The following RSPH1 variants were observed in gnomAD, a reference collection of about 807,000 sequenced individuals.
RSPH1 encodes radial spoke head component 1.
A neutral mutation model predicts 44.2 loss-of-function variants in RSPH1; 32 were observed. The observed-to-expected ratio is 0.72, with a 90% CI of 0.55 to 0.97. RSPH1 has a LOEUF of 0.97. Ranked by LOEUF, RSPH1 falls within the 50% of genes least tolerant of loss-of-function variation. The pLI, the probability that RSPH1 is intolerant of heterozygous loss-of-function variation, is 0.00. For synonymous variants in RSPH1, 134 were observed against 147.3 expected, an observed-to-expected ratio of 0.91 and a Z score of 0.65; for missense variants, 391 against 398.7, an observed-to-expected ratio of 0.98 and a Z score of 0.16.
chr21:42,476,475 C>A (rs920846560), intron 7 of RSPH1, among the ~76,000 whole-genome samples: 1 of 152,176 alleles, frequency 6.6e-6, no homozygotes, highest in African/African-American at 2.4e-5. Context: ...TATTCTTTCA[C>A]GGAGGCCAAT....
intron 1 of RSPH1, among the ~76,000 whole-genome samples, chr21:42,495,128 C>T (rs2054274732): frequency 6.6e-6 from 1 of 152,226 alleles, no homozygotes; most frequent in Non-Finnish European, 1.5e-5. Context: ...CCAACAGGGA[C>T]TCTGGGGGCA....
At chr21:42,480,956 C>G (rs1020062214) in intron 6 of RSPH1, among the ~76,000 whole-genome samples, 3 of 152,216 alleles carry the variant, frequency 2.0e-5, no homozygotes, top group African/African-American at 4.8e-5. Context: ...CTGGGTGATG[C>G]CAAGGGCTTG....
chr21:42,476,619 C>T (rs1377811403), intron 7 of RSPH1, among the ~76,000 whole-genome samples: 1 of 152,066 alleles, frequency 6.6e-6, no homozygotes, highest in Non-Finnish European at 1.5e-5. Flanking sequence ...GACCCTTCTT[C>T]AGGGAAGGGC....
At chr21:42,473,157 G>A (rs1244793385) in intron 8 of RSPH1, among the ~76,000 whole-genome samples, 3 of 152,194 alleles carry the variant, frequency 2.0e-5, no homozygotes, top group African/African-American at 7.2e-5. Context: ...AAAACAGCCA[G>A]CTTTGTGGCT....
At chr21:42,475,070 C>T (rs1387911686) in intron 8 of RSPH1, among the ~76,000 whole-genome samples, 3 of 152,128 alleles carry the variant, frequency 2.0e-5, no homozygotes, top group African/African-American at 7.2e-5. Flanking sequence ...TTAAGGGAAG[C>T]GAGTCCTCTC....
chr21:42,491,205 C>G (rs73227540), intron 3 of RSPH1, among the ~76,000 whole-genome samples: 41,476 of 151,998 alleles, frequency 0.27, 6,013 homozygotes, highest in African/African-American at 0.36. Flanking sequence ...GGGTACCCTC[C>G]GGATCCACAA....
At chr21:42,472,982 A>C (rs1275095492) in intron 8 of RSPH1, 112 bp from the exon 9 acceptor site, 1 of 692,830 alleles carries the variant, frequency 1.4e-6, no homozygotes, top group African/African-American at 1.8e-5. Context: ...ACTATTAAGC[A>C]TTCATCAGTC....
chr21:42,485,847 T>C lies in RSPH1; in HGVS notation c.366-43A>G, dbSNP rs769987810. The C allele has an allele frequency of 2.5e-6, 4 of 1,611,946 alleles. No individual in the cohort carries two copies. In the South Asian group the frequency reaches 3.3e-5, roughly 13 times the overall value. On this transcript the variant is annotated intron_variant, in intron 4 of 8. Transcript: ENST00000291536. The stretch of plus-strand genomic sequence containing the variant: ...AACATGGTATTTCGTTCCAGCACAG[T>C]GAAAAATCTCCCAGGTTTAAAACAC...
Position 42,475,986 on chromosome 21 carries a change from G to T in RSPH1, c.789C>A (p.Asp263Glu). The change falls in exon 8 of 9, where the codon GAC becomes GAA. Residue 263 changes from aspartate to glutamate, a missense_variant. Physicochemically the swap from Asp to Glu is conservative, Grantham distance 45 (BLOSUM62 2). Transcript: ENST00000291536. ...ALLEGFEGEMDMRPGDEDADV... is the reference protein window; with the variant it reads ...ALLEGFEGEMEMRPGDEDADV... ...CTGCATCTTCATCTCCAGGCCTCAT[G>T]TCCATCTCACCCTCGAAGCCCTCCA... 6.2e-7 allele frequency: 1 copy of T among 1,613,086 alleles called. No homozygotes were observed. Among genetic ancestry groups the T allele is most frequent in the Non-Finnish European group, 8.5e-7 (1 of 1,179,794 alleles).
chr21:42,477,476 A>G (rs2054080227), intron 6 of RSPH1, 32 bp from the exon 7 acceptor site: 1 of 1,607,282 alleles, frequency 6.2e-7, no homozygotes, highest in Non-Finnish European at 8.5e-7. Context: ...ACATTTACCA[A>G]CATTTGTGTC....
At chr21:42,485,415 AG>A (rs2054169551) in intron 5 of RSPH1, 1 of 524,258 alleles carries the variant, frequency 1.9e-6, no homozygotes, top group Non-Finnish European at 3.4e-6. Flanking sequence ...ACAATGCAAC[AG>A]GTCCCCGCTG....
chr21:42,478,181 A>G (rs958404803), intron 6 of RSPH1, among the ~76,000 whole-genome samples: 3 of 152,272 alleles, frequency 2.0e-5, no homozygotes, highest in Non-Finnish European at 4.4e-5. Flanking sequence ...TTTTGTGACT[A>G]TCACAAAATT....
intron 3 of RSPH1, among the ~76,000 whole-genome samples, chr21:42,492,145 C>A (rs962869662): frequency 6.6e-6 from 1 of 152,228 alleles, no homozygotes; most frequent in Non-Finnish European, 1.5e-5. Flanking sequence ...CTGCCGGTCC[C>A]CCTGCCCAGG....
chr21:42,496,214 G>T lies in RSPH1; in HGVS notation c.-28C>A. ...TCTCGCCCCAGCCTGGATCACAGCC[G>T]CAGCGCCTCTAGCAGGTGGGTAGCA... On this transcript the variant is annotated 5_prime_UTR_variant, in exon 1 of 9. Transcript: ENST00000291536. 1 of 1,613,454 alleles carries T rather than the reference G, an allele frequency of 6.2e-7. No homozygotes were observed. Among genetic ancestry groups the T allele is most frequent in the Non-Finnish European group, 8.5e-7 (1 of 1,179,466 alleles).
chr21:42,476,717 G>A (rs981620038), intron 7 of RSPH1, among the ~76,000 whole-genome samples: 8 of 151,998 alleles, frequency 5.3e-5, no homozygotes, highest in Non-Finnish European at 1.2e-4. Context: ...TCCCCGAGAC[G>A]CCACAGTGCT....
At chr21:42,485,539 T>A (rs1791480546) in intron 5 of RSPH1, 130 bp downstream of exon 5, 11 of 1,027,522 alleles carry the variant, frequency 1.1e-5, no homozygotes, top group Non-Finnish European at 1.6e-5. Flanking sequence ...GCTGTCCTGT[T>A]CTCCACATTT....
intron 6 of RSPH1, among the ~76,000 whole-genome samples, chr21:42,480,145 T>C (rs1271788760): frequency 1.3e-5 from 2 of 152,004 alleles, no homozygotes; most frequent in African/African-American, 2.4e-5. Flanking sequence ...AAGTAGAATA[T>C]CACAGGAGCG....
rs11203205 is a variant in RSPH1, at chr21:42,472,665, G to T, written c.*153C>A. On this transcript the variant is annotated 3_prime_UTR_variant, in exon 9 of 9. Coordinates refer to ENST00000291536, the MANE Select transcript of RSPH1 (RefSeq NM_080860.4). ...GCCACCCAGGCTGGAGAGCAGTGGC[G>T]CGATCTCCACTCACTGCAACTGCCA... 1.8e-6 allele frequency: 1 copy of T among 550,436 alleles called. No individual in the cohort carries two copies. 34.1% of individuals were successfully genotyped at this position (550,436 alleles called of 1,614,324 possible). A position where few individuals can be genotyped will look rare whatever the true frequency, so the allele number is the denominator to read the frequency against.
Position 42,477,279 on chromosome 21 carries a change from G to T in RSPH1, c.727+12C>A. On this transcript the variant is annotated intron_variant, in intron 7 of 8. Transcript: ENST00000291536. ...TGCCCCCTCCACCCCACAGCCCGGG[G>T]GTGCCCCACACTCTCAGCTCCTGGA... is the stretch of plus-strand genomic sequence containing the variant. 6.2e-7 allele frequency: 1 copy of T among 1,611,148 alleles called. No homozygotes were observed. Among genetic ancestry groups the T allele is most frequent in the Non-Finnish European group, 8.5e-7 (1 of 1,178,454 alleles).
Sources: allele counts gnomAD v4.1 joint callset (sites outside exome capture counted in the v4.1 genomes callset), GRCh38; gene constraint gnomAD v4.1.1; transcripts MANE v1.5; gene names NCBI Gene and HGNC (gene_info 2026-07-23, HGNC 2026-07-21).